AOPEP: variants seen among roughly 807,000 people sequenced by gnomAD.
AOPEP encodes the protein aminopeptidase O (putative).
A neutral mutation model predicts 98.1 loss-of-function variants in AOPEP; 77 were observed. That is an observed-to-expected ratio of 0.78 (90% CI 0.65 to 0.95). The LOEUF (loss-of-function observed/expected upper bound fraction) is 0.95, where lower values mean the gene tolerates loss of function less well. AOPEP is among the 40% of genes least tolerant of loss of function. The pLI, the probability that AOPEP is intolerant of heterozygous loss-of-function variation, is 0.00. For synonymous variants in AOPEP, 346 were observed against 365.3 expected, an observed-to-expected ratio of 0.95 and a Z score of 0.60; for missense variants, 1,024 against 1,024.7, an observed-to-expected ratio of 1.00 and a Z score of 0.01.
chr9:95,037,706 C>T (rs2064950432), intron 13 of AOPEP, among the ~76,000 whole-genome samples: 1 of 152,180 alleles, frequency 6.6e-6, no homozygotes, highest in African/African-American at 2.4e-5. Flanking sequence ...ACTATTTGTT[C>T]CTCTTCAGCG....
chr9:94,752,550 A>G (rs1009511885), intron 1 of AOPEP, among the ~76,000 whole-genome samples: 1 of 152,256 alleles, frequency 6.6e-6, no homozygotes. Flanking sequence ...ACACTTAGTT[A>G]AGTGGTCATT....
chr9:94,854,321 G>A (rs948073761), intron 5 of AOPEP, among the ~76,000 whole-genome samples: 11 of 152,202 alleles, frequency 7.2e-5, no homozygotes, highest in African/African-American at 2.7e-4. Context: ...AGGCAAAGGT[G>A]CCTCATGAAA....
At chr9:94,766,574 A>AACCCATT (rs1564095553) in intron 2 of AOPEP, among the ~76,000 whole-genome samples, 1 of 152,196 alleles carries the variant, frequency 6.6e-6, no homozygotes, top group East Asian at 1.9e-4. Context: ...TCTCTTTGAT[A>AACCCATT]ACCCATTCTC....
the AOPEP span, among the ~76,000 whole-genome samples, chr9:95,140,625 G>A: frequency 2.0e-5 from 3 of 152,150 alleles, no homozygotes; most frequent in Non-Finnish European, 2.9e-5. Flanking sequence ...CCAAGACAAA[G>A]GTGCACTGGC....
At chr9:94,989,600 T>G (rs966304193) in intron 11 of AOPEP, among the ~76,000 whole-genome samples, 4 of 145,764 alleles carry the variant, frequency 2.7e-5, no homozygotes, top group Admixed American at 6.8e-5. Flanking sequence ...CCTTCCTGAG[T>G]AACCCAAACT....
intron 5 of AOPEP, among the ~76,000 whole-genome samples, chr9:94,875,573 G>A (rs951794620): frequency 1.3e-5 from 2 of 152,180 alleles, no homozygotes; most frequent in African/African-American, 4.8e-5. Context: ...ACCTGTGAGT[G>A]GTTGAAGTAA....
At chr9:94,940,248 A>G (rs1247985437) in intron 7 of AOPEP, among the ~76,000 whole-genome samples, 5 of 152,196 alleles carry the variant, frequency 3.3e-5, no homozygotes, top group Non-Finnish European at 5.9e-5. Context: ...AATACATGCA[A>G]TCCATTTAGA....
At chr9:94,823,218 ACT>A (rs1166894513) in intron 5 of AOPEP, among the ~76,000 whole-genome samples, 7 of 151,600 alleles carry the variant, frequency 4.6e-5, no homozygotes, top group Non-Finnish European at 1.5e-5. Flanking sequence ...CTGGTCTTCA[ACT>A]CCTGACCTCA....
At chr9:94,887,078 T>C (rs1053092588) in intron 5 of AOPEP, among the ~76,000 whole-genome samples, 35 of 152,134 alleles carry the variant, frequency 2.3e-4, no homozygotes, top group Non-Finnish European at 1.5e-4. Flanking sequence ...TAGTAGCTCA[T>C]GCCTGTAATC....
intron 5 of AOPEP, among the ~76,000 whole-genome samples, chr9:94,865,958 A>G (rs2045657875): frequency 6.6e-6 from 1 of 152,226 alleles, no homozygotes; most frequent in South Asian, 2.1e-4. Context: ...GGTCTTTGGC[A>G]TTTTAACTCA....
chr9:94,805,327 G>T (rs1012308321), intron 5 of AOPEP, among the ~76,000 whole-genome samples: 2 of 152,182 alleles, frequency 1.3e-5, no homozygotes, highest in African/African-American at 2.4e-5. Flanking sequence ...TCCCTTTGTA[G>T]AGAAGGGAGA....
At chr9:95,003,722 T>C (rs530860165) in intron 11 of AOPEP, among the ~76,000 whole-genome samples, 1 of 152,340 alleles carries the variant, frequency 6.6e-6, no homozygotes, top group South Asian at 2.1e-4. Flanking sequence ...TAATAACACA[T>C]TGAAAAATCT....
intron 5 of AOPEP, among the ~76,000 whole-genome samples, chr9:94,834,149 C>T (rs2041255709): frequency 1.3e-5 from 2 of 152,150 alleles, no homozygotes; most frequent in Admixed American, 6.5e-5. Flanking sequence ...GGAATATCTG[C>T]TTACCAATTT....
At chr9:94,885,384 A>AAAAAAAAAAAAAAAAAAAAAAT in intron 5 of AOPEP, among the ~76,000 whole-genome samples, 1 of 124,678 alleles carries the variant, frequency 8.0e-6, no homozygotes. Context: ...AAAAAAAAAA[A>AAAAAAAAAAAAAAAAAAAAAAT]AAAAAAGACA....
intron 1 of AOPEP, among the ~76,000 whole-genome samples, chr9:94,736,804 C>T (rs1325309351): frequency 6.6e-6 from 1 of 152,206 alleles, no homozygotes. Flanking sequence ...TCTCCTCATA[C>T]CTTATTTCAA....
intron 3 of AOPEP, among the ~76,000 whole-genome samples, chr9:94,782,241 TG>T (rs1241877502): frequency 1.3e-5 from 2 of 152,238 alleles, no homozygotes; most frequent in East Asian, 3.9e-4. Context: ...TTCTGTTTTT[TG>T]TGGGAAGCCT....
chr9:94,991,118 C>T (rs1354410209), intron 11 of AOPEP, among the ~76,000 whole-genome samples: 1 of 152,200 alleles, frequency 6.6e-6, no homozygotes, highest in Non-Finnish European at 1.5e-5. Flanking sequence ...AGGCTGCTGC[C>T]CCCACTGTGG....
intron 5 of AOPEP, among the ~76,000 whole-genome samples, chr9:94,910,694 A>G (rs1409756886): frequency 1.3e-5 from 2 of 152,234 alleles, no homozygotes; most frequent in African/African-American, 4.8e-5. Flanking sequence ...GATGAGGTGC[A>G]GCAGTGTTTC....
chr9:95,028,142 T>C (rs2063992474), intron 13 of AOPEP, among the ~76,000 whole-genome samples: 1 of 152,160 alleles, frequency 6.6e-6, no homozygotes, highest in Admixed American at 6.5e-5. Flanking sequence ...GTGCCAGAAG[T>C]TCATGGGAGG....
Sources: allele counts gnomAD v4.1 joint callset (sites outside exome capture counted in the v4.1 genomes callset), GRCh38; gene constraint gnomAD v4.1.1; transcripts MANE v1.5; gene names NCBI Gene and HGNC (gene_info 2026-07-23, HGNC 2026-07-21).